MACROD2: variants seen among roughly 807,000 people sequenced by gnomAD.
The protein encoded by MACROD2 is ADP-ribose glycohydrolase MACROD2.
MACROD2 carries 36 observed loss-of-function variants against 70.4 expected under a neutral mutation model. That is an observed-to-expected ratio of 0.51 (90% confidence interval 0.39 to 0.68). MACROD2 has a LOEUF of 0.68. MACROD2 is among the 30% of genes least tolerant of loss of function. The probability of loss-of-function intolerance (pLI) is 0.00; values close to 1 mark genes in which losing one functional copy is unlikely to be tolerated. For synonymous variants in MACROD2, 172 were observed against 178.8 expected, an observed-to-expected ratio of 0.96 and a Z score of 0.30; for missense variants, 496 against 538.4, an observed-to-expected ratio of 0.92 and a Z score of 0.78.
chr20:15,076,373 G>A (rs151072239), intron 5 of MACROD2, among the ~76,000 whole-genome samples: 42 of 152,144 alleles, frequency 2.8e-4, no homozygotes, highest in African/African-American at 9.6e-4. Flanking sequence ...CTGAATCTCT[G>A]ATTATTTCCT....
chr20:15,209,115 G>GTATTTATT (rs56191744), intron 5 of MACROD2, among the ~76,000 whole-genome samples: 25,104 of 146,970 alleles, frequency 0.17, 2,394 homozygotes, highest in Non-Finnish European at 0.21. Flanking sequence ...GGTGGTGGTG[G>GTATTTATT]TATTTATTTA....
At chr20:15,942,203 G>T (rs1348581456) in intron 12 of MACROD2, among the ~76,000 whole-genome samples, 2 of 152,160 alleles carry the variant, frequency 1.3e-5, no homozygotes, top group Non-Finnish European at 2.9e-5. Context: ...GCTGCCAACA[G>T]AAGGAGATGC....
intron 5 of MACROD2, among the ~76,000 whole-genome samples, chr20:14,949,262 G>C (rs147260532): frequency 1.3e-5 from 2 of 152,154 alleles, no homozygotes; most frequent in African/African-American, 4.8e-5. Context: ...AATAATCTTC[G>C]TATATCTAAG....
chr20:15,725,948 TTATA>T (rs2050856454), intron 8 of MACROD2, among the ~76,000 whole-genome samples: 1 of 152,256 alleles, frequency 6.6e-6, no homozygotes, highest in Admixed American at 6.5e-5. Context: ...AGGTAAACCT[TTATA>T]TAGGTAAATC....
At chr20:14,718,611 A>G (rs2071425521) in intron 5 of MACROD2, among the ~76,000 whole-genome samples, 1 of 152,156 alleles carries the variant, frequency 6.6e-6, no homozygotes, top group Non-Finnish European at 1.5e-5. Context: ...CCTATTGAAC[A>G]CAGATCATGG....
chr20:14,020,421 C>T (rs915191714), intron 2 of MACROD2, among the ~76,000 whole-genome samples: 1 of 151,994 alleles, frequency 6.6e-6, no homozygotes, highest in South Asian at 2.1e-4. Context: ...TGCAGTGAGC[C>T]GAGATCGCAC....
intron 10 of MACROD2, among the ~76,000 whole-genome samples, chr20:15,919,961 G>T (rs1401796487): frequency 6.6e-6 from 1 of 152,116 alleles, no homozygotes; most frequent in East Asian, 1.9e-4. Flanking sequence ...TCAACATCAG[G>T]AGGTCTTAGC....
intron 8 of MACROD2, among the ~76,000 whole-genome samples, chr20:15,530,934 G>A (rs917251050): frequency 6.7e-6 from 1 of 149,350 alleles, no homozygotes; most frequent in African/African-American, 2.5e-5. Context: ...ACTTTTTAAT[G>A]AAACAAAATC....
chr20:15,477,798 G>A (rs1284308651), intron 7 of MACROD2, among the ~76,000 whole-genome samples: 1 of 152,168 alleles, frequency 6.6e-6, no homozygotes, highest in African/African-American at 2.4e-5. Context: ...GAGGATTCTG[G>A]ATGATCCACA....
rs955637343 is a variant in MACROD2 at position 15,519,858 on chromosome 20, C to T, written c.645+20011C>T. Among the ~76,000 whole-genome samples, 5 of 152,274 alleles carry T rather than the reference C, an allele frequency of 3.3e-5. No homozygotes were observed. In the South Asian group the frequency reaches 8.3e-4, roughly 25 times the overall value. ...TCAGGGATTAATGAATGTGGGAATGCAGAGCAAAATGAGGTTGCTCTCCCC... is the reference window on the plus strand; with the variant it reads ...TCAGGGATTAATGAATGTGGGAATGTAGAGCAAAATGAGGTTGCTCTCCCC... On this transcript the variant is annotated intron_variant, in intron 8 of 17. Transcript: ENST00000684519.
chr20:14,088,358 A>C (rs1178290708), intron 3 of MACROD2, among the ~76,000 whole-genome samples: 1 of 151,180 alleles, frequency 6.6e-6, no homozygotes, highest in East Asian at 1.9e-4. Context: ...GTTAAAGCTC[A>C]TATGTTTATA....
At chr20:15,492,785 G>C (rs554773241) in intron 7 of MACROD2, among the ~76,000 whole-genome samples, 1 of 152,338 alleles carries the variant, frequency 6.6e-6, no homozygotes, top group South Asian at 2.1e-4. Context: ...TCATTAAAGA[G>C]TTGGCAGGAA....
chr20:16,010,381 G>A (rs1450363084), intron 15 of MACROD2, among the ~76,000 whole-genome samples: 1 of 152,126 alleles, frequency 6.6e-6, no homozygotes, highest in African/African-American at 2.4e-5. Flanking sequence ...CTCTGCATAT[G>A]CCAGTGATCA....
At chr20:15,606,431 G>T (rs2048894214) in intron 8 of MACROD2, among the ~76,000 whole-genome samples, 1 of 151,886 alleles carries the variant, frequency 6.6e-6, no homozygotes, top group Non-Finnish European at 1.5e-5. Flanking sequence ...TCATTTTTCA[G>T]GACTGAACAC....
intron 3 of MACROD2, among the ~76,000 whole-genome samples, chr20:14,100,660 A>G (rs866399722): frequency 7.2e-6 from 1 of 138,146 alleles, no homozygotes; most frequent in Non-Finnish European, 1.6e-5. Context: ...ATATATAAAT[A>G]TATATTTAAA....
intron 3 of MACROD2, among the ~76,000 whole-genome samples, chr20:14,411,028 A>G (rs926951301): frequency 6.6e-6 from 1 of 152,166 alleles, no homozygotes; most frequent in Non-Finnish European, 1.5e-5. Context: ...TCCCTTCCAG[A>G]AAAGTATCAC....
intron 5 of MACROD2, among the ~76,000 whole-genome samples, chr20:15,029,377 G>T (rs377700006): frequency 1.3e-5 from 2 of 152,176 alleles, no homozygotes; most frequent in East Asian, 1.9e-4. Flanking sequence ...TTTCCTAGAA[G>T]AGTGGTTTTT....
intron 10 of MACROD2, among the ~76,000 whole-genome samples, chr20:15,911,723 T>C (rs1363989559): frequency 6.6e-6 from 1 of 152,166 alleles, no homozygotes; most frequent in African/African-American, 2.4e-5. Context: ...GCCACCTCTG[T>C]ATGTTGTTGC....
At chr20:14,900,581 C>G (rs1294521783) in intron 5 of MACROD2, among the ~76,000 whole-genome samples, 3 of 151,766 alleles carry the variant, frequency 2.0e-5, no homozygotes, top group Non-Finnish European at 2.9e-5. Context: ...TCTTGCTTAT[C>G]TAATTTATTG....
Sources: gnomAD v4.1 joint callset for allele counts (sites outside exome capture counted in the v4.1 genomes callset) on GRCh38, gnomAD v4.1.1 for gene constraint, MANE v1.5 for transcripts, NCBI Gene and HGNC (gene_info 2026-07-23, HGNC 2026-07-21) for gene names.